Variants in SNTG1 observed in about 807,000 individuals in gnomAD.
The protein encoded by SNTG1 is syntrophin gamma 1.
SNTG1 carries 39 observed loss-of-function variants against 74.7 expected under a neutral mutation model. That is an observed-to-expected ratio of 0.52 (90% CI 0.40 to 0.68). The LOEUF (loss-of-function observed/expected upper bound fraction) is 0.68, where lower values mean the gene tolerates loss of function less well. SNTG1 is among the 30% of genes least tolerant of loss of function. The pLI, the probability that SNTG1 is intolerant of heterozygous loss-of-function variation, is 0.00. For missense variants in SNTG1, 685 were observed against 609.5 expected, an observed-to-expected ratio of 1.12 and a Z score of -1.30; for synonymous variants, 254 against 217.1, an observed-to-expected ratio of 1.17 and a Z score of -1.49.
chr8:50,288,707 G>A (rs998896578), intron 2 of SNTG1, among the ~76,000 whole-genome samples: 4 of 152,010 alleles, frequency 2.6e-5, no homozygotes, highest in Admixed American at 6.6e-5. Context: ...GAAAAAAAAA[G>A]GATAGGATAA....
At chr8:50,622,981 G>A (rs2094933025) in intron 13 of SNTG1, among the ~76,000 whole-genome samples, 1 of 152,046 alleles carries the variant, frequency 6.6e-6, no homozygotes, top group African/African-American at 2.4e-5. Context: ...TATTTTTAAT[G>A]CACAGAAATG....
At chr8:50,418,665 A>C (rs964909150) in intron 4 of SNTG1, among the ~76,000 whole-genome samples, 7 of 152,184 alleles carry the variant, frequency 4.6e-5, no homozygotes, top group Non-Finnish European at 7.4e-5. Flanking sequence ...CAACTTAAAC[A>C]TGAAGTTTTA....
intron 8 of SNTG1, among the ~76,000 whole-genome samples, chr8:50,466,048 T>C (rs761476583): frequency 1.3e-5 from 2 of 152,146 alleles, no homozygotes; most frequent in Non-Finnish European, 2.9e-5. Flanking sequence ...TTTGTGTATA[T>C]GCCTGTAGTA....
intron 1 of SNTG1, among the ~76,000 whole-genome samples, chr8:50,103,369 G>C (rs946643426): frequency 6.6e-6 from 1 of 151,972 alleles, no homozygotes; most frequent in Non-Finnish European, 1.5e-5. Context: ...TTTGTCTGTT[G>C]TTGGTGTATA....
At chr8:49,920,649 T>A (rs1016532056) in intron 1 of SNTG1, among the ~76,000 whole-genome samples, 6 of 152,078 alleles carry the variant, frequency 3.9e-5, no homozygotes, top group African/African-American at 1.2e-4. Flanking sequence ...TTCTCAAGAA[T>A]CTTGAAGGGT....
In SNTG1 at chr8:50,686,857, C is replaced by T. The variant is rs189998115; in HGVS notation, c.1039-17743C>T. ...CCTGCACAAAATAAACATGAAGGGC[C>T]GGGCGCGGTGGCTCACGCCTGTAAT... On this transcript the variant is annotated intron_variant, in intron 15 of 18. Coordinates refer to ENST00000642720, the MANE Select transcript of SNTG1 (RefSeq NM_018967.5). 4.3e-3 allele frequency among the ~76,000 whole-genome samples: 658 copies of T among 152,038 alleles called. 4 individuals are homozygous for T. Among genetic ancestry groups the T allele is most frequent in the South Asian group, 0.013 (63 of 4,820 alleles).
At chr8:50,056,471 G>T (rs1201644247) in intron 1 of SNTG1, among the ~76,000 whole-genome samples, 2 of 152,122 alleles carry the variant, frequency 1.3e-5, no homozygotes, top group Non-Finnish European at 2.9e-5. Context: ...GAAAAGCTGT[G>T]GAGAAGGATG....
chr8:50,196,605 A>G (rs947554649), intron 2 of SNTG1, among the ~76,000 whole-genome samples: 2 of 151,992 alleles, frequency 1.3e-5, no homozygotes, highest in Admixed American at 1.3e-4. Flanking sequence ...AAGAGCAAGG[A>G]GAAAAGTTGT....
At chr8:50,203,140 T>C (rs2084055464) in intron 2 of SNTG1, among the ~76,000 whole-genome samples, 1 of 152,164 alleles carries the variant, frequency 6.6e-6, no homozygotes, top group South Asian at 2.1e-4. Context: ...TAACATGCCT[T>C]CAAGCTCACT....
intron 2 of SNTG1, among the ~76,000 whole-genome samples, chr8:50,276,983 C>A (rs1032910202): frequency 3.3e-5 from 5 of 152,084 alleles, no homozygotes; most frequent in Non-Finnish European, 7.4e-5. Flanking sequence ...GCACCCACCA[C>A]CACGCCTGGC....
At chr8:50,244,983 A>G (rs946809537) in intron 2 of SNTG1, among the ~76,000 whole-genome samples, 13 of 152,202 alleles carry the variant, frequency 8.5e-5, no homozygotes, top group Non-Finnish European at 1.8e-4. Flanking sequence ...ATATAAGTAA[A>G]TGCCATTTTT....
intron 17 of SNTG1, among the ~76,000 whole-genome samples, chr8:50,713,845 G>A (rs557783541): frequency 6.6e-6 from 1 of 152,192 alleles, no homozygotes; most frequent in Middle Eastern, 3.4e-3. Context: ...GGAACATGAG[G>A]TCAAGAGTTT....
intron 13 of SNTG1, among the ~76,000 whole-genome samples, chr8:50,597,181 T>C (rs535502351): frequency 6.6e-6 from 1 of 151,948 alleles, no homozygotes; most frequent in African/African-American, 2.4e-5. Context: ...TGTCTTTCTA[T>C]GCATGGGTCA....
At chr8:50,745,752 A>C (rs1280532314) in intron 17 of SNTG1, among the ~76,000 whole-genome samples, 2 of 152,024 alleles carry the variant, frequency 1.3e-5, no homozygotes, top group Non-Finnish European at 2.9e-5. Flanking sequence ...CCTTACGTTA[A>C]GTGAAATAAG....
chr8:50,308,900 G>GT (rs200260250), intron 2 of SNTG1, among the ~76,000 whole-genome samples: 10,478 of 150,016 alleles, frequency 0.07, 395 homozygotes, highest in African/African-American at 0.086. Context: ...ATGATGTTTT[G>GT]TTTTTTTTTA....
chr8:50,091,322 A>G (rs1022168165), intron 1 of SNTG1, among the ~76,000 whole-genome samples: 8 of 151,894 alleles, frequency 5.3e-5, no homozygotes, highest in Non-Finnish European at 7.4e-5. Flanking sequence ...AGCACCTGAA[A>G]TCTACTCTTT....
chr8:50,413,552 T>C (rs761183886), intron 4 of SNTG1, among the ~76,000 whole-genome samples: 1 of 152,188 alleles, frequency 6.6e-6, no homozygotes, highest in Non-Finnish European at 1.5e-5. Flanking sequence ...CTCTGACATA[T>C]CTATCTGAAG....
rs1046402289 is a variant in SNTG1, at chr8:50,116,025, G to A, written c.-102-56536G>A. ...TACACACAGTCACAGCACCATGAGC[G>A]TAACTTGAGTGTTTGTTATGCTCAA... On this transcript the variant is annotated intron_variant, in intron 1 of 18. Transcript: ENST00000642720. Among the ~76,000 whole-genome samples the A allele has an allele frequency of 3.1e-4, 47 of 152,068 alleles. 1 individual carries two copies. The highest frequency in any genetic ancestry group is 2.2e-4 in the African/African-American group (9 of 41,416).
At chr8:50,116,315 G>A (rs958132571) in intron 1 of SNTG1, among the ~76,000 whole-genome samples, 1 of 152,008 alleles carries the variant, frequency 6.6e-6, no homozygotes, top group Non-Finnish European at 1.5e-5. Flanking sequence ...CAATGATTCT[G>A]TGAAGTAGGA....
Sources: allele counts gnomAD v4.1 joint callset (sites outside exome capture counted in the v4.1 genomes callset), GRCh38; gene constraint gnomAD v4.1.1; transcripts MANE v1.5; gene names NCBI Gene and HGNC (gene_info 2026-07-23, HGNC 2026-07-21).